The following CCDC3 variants were observed in gnomAD, a reference collection of about 807,000 sequenced individuals.
The protein encoded by CCDC3 is coiled-coil domain containing 3, also known as coiled-coil domain-containing protein 3.
CCDC3 carries 24 observed loss-of-function variants against 21.4 expected under a neutral mutation model. That is an observed-to-expected ratio of 1.12 (90% CI 0.81 to 1.58). The LOEUF (loss-of-function observed/expected upper bound fraction) is 1.58, where lower values mean the gene tolerates loss of function less well. CCDC3 is among the 40% of genes most tolerant of loss of function. The pLI is 0.00. For synonymous variants in CCDC3, 186 were observed against 166.0 expected (o/e 1.12, Z -0.93); for missense variants, 425 against 360.9 (o/e 1.18, Z -1.44).
At chr10:13,018,518 G>C (rs1436770588) in intron 5 of CCDC3, among the ~76,000 whole-genome samples, 2 of 152,144 alleles carry the variant, frequency 1.3e-5, no homozygotes, top group African/African-American at 2.4e-5. Flanking sequence ...CCACATTTTT[G>C]CAAGCTGCAC....
At chr10:13,073,609 T>G (rs1457022984) in intron 4 of CCDC3, among the ~76,000 whole-genome samples, 1 of 151,618 alleles carries the variant, frequency 6.6e-6, no homozygotes, top group East Asian at 1.9e-4. Context: ...GCCTCCTGAG[T>G]AGCTAGGAGG....
intron 3 of CCDC3, among the ~76,000 whole-genome samples, chr10:13,076,883 A>G (rs1209026501): frequency 1.3e-5 from 2 of 152,218 alleles, no homozygotes; most frequent in Admixed American, 1.3e-4. Flanking sequence ...TGGAGACAGG[A>G]CAGAGTAGCA....
At chr10:13,053,982 T>TA (rs1163388476) in intron 4 of CCDC3, among the ~76,000 whole-genome samples, 1 of 151,736 alleles carries the variant, frequency 6.6e-6, no homozygotes, top group Non-Finnish European at 1.5e-5. Context: ...CCATCTCTAC[T>TA]AAAAAATACA....
At chr10:13,082,221 A>C (rs1338386672) in intron 3 of CCDC3, among the ~76,000 whole-genome samples, 4 of 152,166 alleles carry the variant, frequency 2.6e-5, no homozygotes, top group Admixed American at 2.6e-4. Context: ...GATACAAGAC[A>C]AGGGGGCAGG....
chr10:12,904,435 C>T (rs12259118), intron 2 of CCDC3, among the ~76,000 whole-genome samples: 19,822 of 120,524 alleles, frequency 0.16, 1,719 homozygotes, highest in East Asian at 0.34. Flanking sequence ...CACCACTACA[C>T]TCCAGCCTAA....
intron 2 of CCDC3, among the ~76,000 whole-genome samples, chr10:12,928,662 T>C (rs1328941471): frequency 6.6e-6 from 1 of 152,182 alleles, no homozygotes; most frequent in East Asian, 1.9e-4. Flanking sequence ...TCAACCGACC[T>C]CCCAGCCTGC....
chr10:13,052,503 G>A (rs143471461), intron 4 of CCDC3, among the ~76,000 whole-genome samples: 271 of 152,228 alleles, frequency 1.8e-3, no homozygotes, highest in African/African-American at 6.3e-3. Context: ...ATGTATGGAC[G>A]ATATATTAAG....
Position 13,011,307 on chromosome 10 carries a change from A to C in CCDC3, c.-1-12795T>G, listed in dbSNP as rs114971955. On this transcript the variant is annotated intron_variant, in intron 5 of 6. Transcript: ENST00000378839. ...AAAACCTCATAGTCTCTCCCCAAAA[A>C]CTTCTTGAGCTGATAAGCAACTTCA... Among the ~76,000 whole-genome samples the C allele has an allele frequency of 3.8e-3, 583 of 152,264 alleles. 3 individuals are homozygous for C. Among genetic ancestry groups the C allele is most frequent in the African/African-American group, 0.014 (563 of 41,546 alleles).
chr10:12,948,469 A>G (rs1394624704), intron 2 of CCDC3, among the ~76,000 whole-genome samples: 1 of 5,670 alleles, frequency 1.8e-4, no homozygotes, highest in Non-Finnish European at 3.3e-4. Flanking sequence ...AGACAATTGC[A>G]CACACACACA....
At chr10:12,991,097 G>C (rs768059991) in intron 2 of CCDC3, among the ~76,000 whole-genome samples, 1 of 152,120 alleles carries the variant, frequency 6.6e-6, no homozygotes, top group Non-Finnish European at 1.5e-5. Flanking sequence ...GCACACTTGC[G>C]GGGATACCTT....
Position 13,011,221 on chromosome 10 carries a change from G to A in CCDC3, c.-1-12709C>T, listed in dbSNP as rs528157541. Among the ~76,000 whole-genome samples the A allele has an allele frequency of 3.3e-3, 488 of 149,680 alleles. 1 individual carries two copies. Among genetic ancestry groups the A allele is most frequent in the African/African-American group, 0.011 (459 of 40,958 alleles). ...AAAAACCTGTGACAAAGGCGGCATC[G>A]AAATAGGAAGAGAAGAAATCAAACT... On this transcript the variant is annotated intron_variant, in intron 5 of 6. Transcript: ENST00000378839.
chr10:13,089,702 G>T (rs1460322800), intron 3 of CCDC3, among the ~76,000 whole-genome samples: 1 of 151,566 alleles, frequency 6.6e-6, no homozygotes, highest in Non-Finnish European at 1.5e-5. Context: ...ATTTCCAAAG[G>T]TTATTGGGGA....
intron 5 of CCDC3, among the ~76,000 whole-genome samples, chr10:13,021,573 G>A (rs1836146221): frequency 6.6e-6 from 1 of 152,074 alleles, no homozygotes; most frequent in Non-Finnish European, 1.5e-5. Context: ...CCTTTCCACA[G>A]GACAAAACGA....
intron 3 of CCDC3, among the ~76,000 whole-genome samples, chr10:13,080,899 A>G (rs2131447059): frequency 6.6e-6 from 1 of 152,352 alleles, no homozygotes; most frequent in East Asian, 1.9e-4. Flanking sequence ...GTGAGTCACA[A>G]GGCCCCTCAT....
chr10:13,037,559 C>T (rs371338713), intron 5 of CCDC3, among the ~76,000 whole-genome samples: 2 of 152,186 alleles, frequency 1.3e-5, no homozygotes, highest in Admixed American at 1.3e-4. Context: ...TTTCTTTCCA[C>T]GCCACTGGGT....
At chr10:13,034,828 C>G (rs534838381) in intron 5 of CCDC3, among the ~76,000 whole-genome samples, 2 of 151,992 alleles carry the variant, frequency 1.3e-5, no homozygotes, top group Non-Finnish European at 2.9e-5. Context: ...AGTTTGAGAC[C>G]AGCCTGGCCA....
chr10:13,009,345 CA>C lies in CCDC3; in HGVS notation c.-1-10834del, dbSNP rs569188443. On this transcript the variant is annotated intron_variant, in intron 5 of 6. Transcript: ENST00000378839. ...ATATTGTTAAGATGTTCATTCTAGC[CA>C]AACTGATTTACAAATTAAATGCAAA... is the stretch of plus-strand genomic sequence containing the variant. Among the ~76,000 whole-genome samples, 413 of 152,154 alleles carry C rather than the reference CA, an allele frequency of 2.7e-3. 2 individuals carry two copies. Among genetic ancestry groups the C allele is most frequent in the African/African-American group, 9.6e-3 (397 of 41,504 alleles).
chr10:13,049,457 T>G (rs1392348121), intron 5 of CCDC3, among the ~76,000 whole-genome samples: 1 of 152,132 alleles, frequency 6.6e-6, no homozygotes. Context: ...TTTGGAACCC[T>G]CAGTTCCAAC....
rs1836915124 is a variant in CCDC3, at chr10:13,073,720, C to T, written c.-270+148G>A. On this transcript the variant is annotated intron_variant, in intron 4 of 6. Transcript: ENST00000378839. ...TAGGCTGGTCTCCAACTCGTGAGCT[C>T]AAGCAGTCCTCCCATGCCAGCTTCC... 3 of 152,160 alleles carry T rather than the reference C, an allele frequency of 2.0e-5. No homozygotes were observed. In the South Asian group the frequency reaches 6.2e-4, roughly 32 times the overall value. 9.4% of individuals were successfully genotyped at this position (152,160 alleles called of 1,614,324 possible). A position where few individuals can be genotyped will look rare whatever the true frequency, so the allele number is the denominator to read the frequency against.
Sources: gnomAD v4.1 joint callset for allele counts (sites outside exome capture counted in the v4.1 genomes callset) on GRCh38, gnomAD v4.1.1 for gene constraint, MANE v1.5 for transcripts, NCBI Gene and HGNC (gene_info 2026-07-23, HGNC 2026-07-21) for gene names.